TNKS: variants seen among roughly 807,000 people sequenced by gnomAD.
TNKS encodes tankyrase, also known as poly [ADP-ribose] polymerase tankyrase-1.
TNKS carries 72 observed loss-of-function variants against 135.8 expected under a neutral mutation model. The ratio of observed to expected loss-of-function variants is 0.53; its 90% CI spans 0.44 to 0.64. TNKS has a LOEUF of 0.64. Ranked by LOEUF, TNKS falls within the 30% of genes least tolerant of loss-of-function variation. TNKS has a pLI of 0.00. For missense variants in TNKS, 1,769 were observed against 1,674.0 expected (o/e 1.06, Z -0.99); for synonymous variants, 849 against 649.3 (o/e 1.31, Z -4.68).
In TNKS at chr8:9,769,431, T is replaced by C. The variant is rs950444490; in HGVS notation, c.3741-675T>C. Among the ~76,000 whole-genome samples the C allele has an allele frequency of 5.9e-5, 9 of 152,322 alleles. 1 individual carries two copies. The highest frequency in any genetic ancestry group is 2.2e-4 in the African/African-American group (9 of 41,580). On this transcript the variant is annotated intron_variant, in intron 25 of 26. Coordinates refer to ENST00000310430, the MANE Select transcript of TNKS (RefSeq NM_003747.3). ...GTTCATGATCCACTTTTATTATTAC[T>C]GTTTACCTCATCCCAGTTTCTACTT...
chr8:9,704,748 A>C lies in TNKS; in HGVS notation c.1193A>C (p.Lys398Thr), dbSNP rs766131393. The C allele has an allele frequency of 6.2e-7, 1 of 1,612,962 alleles. No individual in the cohort carries two copies. Among genetic ancestry groups the C allele is most frequent in the South Asian group, 1.1e-5 (1 of 90,976 alleles). Residue 398 changes from lysine to threonine, a missense_variant, in exon 6 of 27, where the codon AAA becomes ACA. Coordinates refer to ENST00000310430, the MANE Select transcript of TNKS (RefSeq NM_003747.3). The stretch of plus-strand genomic sequence containing the variant: ...CAGCATGGTGCTGATGTTCATGCAA[A>C]AGACAAAGGGTAGGTCTATCAGTTT... The part of the protein sequence containing the change: ...LLQHGADVHA[K>T]DKGGLVPLHN...
chr8:9,567,454 C>T (rs1001262758), intron 1 of TNKS, among the ~76,000 whole-genome samples: 9 of 152,144 alleles, frequency 5.9e-5, no homozygotes, highest in Admixed American at 3.3e-4. Context: ...CTCGCTCTGT[C>T]GCCCAGGCTG....
chr8:9,748,723 G>T (rs1249116769), intron 18 of TNKS, among the ~76,000 whole-genome samples: 1 of 152,154 alleles, frequency 6.6e-6, no homozygotes, highest in Non-Finnish European at 1.5e-5. Context: ...GTTTTTTCAA[G>T]TTATGTTCTG....
intron 25 of TNKS, among the ~76,000 whole-genome samples, chr8:9,767,174 T>C (rs1419138822): frequency 6.6e-6 from 1 of 152,224 alleles, no homozygotes; most frequent in East Asian, 1.9e-4. Context: ...AGGCAGGATA[T>C]ATAATTAGCC....
intron 17 of TNKS, among the ~76,000 whole-genome samples, chr8:9,744,582 T>C (rs1483292427): frequency 6.6e-6 from 1 of 152,252 alleles, no homozygotes; most frequent in Non-Finnish European, 1.5e-5. Flanking sequence ...CTAGGTTAAA[T>C]TGTCTGTTTC....
intron 18 of TNKS, among the ~76,000 whole-genome samples, chr8:9,749,032 A>G (rs545163592): frequency 6.6e-6 from 1 of 152,288 alleles, no homozygotes; most frequent in South Asian, 2.1e-4. Flanking sequence ...ATTGTATCTC[A>G]AGAGGGAGAA....
At chr8:9,637,490 T>G in intron 3 of TNKS, among the ~76,000 whole-genome samples, 1 of 152,212 alleles carries the variant, frequency 6.6e-6, no homozygotes. Flanking sequence ...ATGTTGTTGT[T>G]TTTTATTATT....
chr8:9,612,200 GT>G (rs1169831936), intron 2 of TNKS, among the ~76,000 whole-genome samples: 3 of 152,024 alleles, frequency 2.0e-5, no homozygotes, highest in African/African-American at 7.3e-5. Flanking sequence ...AGAGAACTGG[GT>G]TTTCTTTTTT....
chr8:9,764,374 C>G (rs539668041), intron 22 of TNKS, among the ~76,000 whole-genome samples: 2 of 151,994 alleles, frequency 1.3e-5, no homozygotes, highest in Non-Finnish European at 1.5e-5. Flanking sequence ...ATTTGTCCAA[C>G]GGGCATTTAA....
At chr8:9,603,138 C>A (rs1799081202) in intron 2 of TNKS, among the ~76,000 whole-genome samples, 1 of 152,052 alleles carries the variant, frequency 6.6e-6, no homozygotes, top group Admixed American at 6.5e-5. Flanking sequence ...CTGCAACCTC[C>A]ATCTCCCAGT....
intron 3 of TNKS, among the ~76,000 whole-genome samples, chr8:9,631,283 A>G (rs1401625681): frequency 6.6e-6 from 1 of 152,202 alleles, no homozygotes; most frequent in Non-Finnish European, 1.5e-5. Context: ...GTACCCAGCC[A>G]TGTCAATCAT....
chr8:9,727,529 T>C (rs1805224016), intron 13 of TNKS, among the ~76,000 whole-genome samples: 1 of 152,180 alleles, frequency 6.6e-6, no homozygotes, highest in African/African-American at 2.4e-5. Context: ...TTACCCTGCC[T>C]ACTATCCAAG....
At chr8:9,647,794 A>G (rs191511521) in intron 3 of TNKS, among the ~76,000 whole-genome samples, 3 of 152,332 alleles carry the variant, frequency 2.0e-5, no homozygotes, top group Non-Finnish European at 2.9e-5. Context: ...AATGAACGAC[A>G]TAAGTTCTAT....
chr8:9,612,791 A>G (rs1006789975), intron 2 of TNKS, among the ~76,000 whole-genome samples: 1 of 152,326 alleles, frequency 6.6e-6, no homozygotes, highest in East Asian at 1.9e-4. Context: ...ACTTTCTCCC[A>G]CAAAATTAAT....
rs867406091 is a variant in TNKS, at chr8:9,669,287, G to A, written c.995-10664G>A. 1.7e-4 allele frequency among the ~76,000 whole-genome samples: 26 copies of A among 151,434 alleles called. No homozygotes were observed. The Middle Eastern group carries it at 0.01, about 59-fold the overall frequency. ...CAAAAAATTAGCCGGGCGCGGTGGC[G>A]GGCGCCTGTAGTCCCAGCTACTCGG... On this transcript the variant is annotated intron_variant, in intron 3 of 26. Transcript: ENST00000310430.
intron 15 of TNKS, among the ~76,000 whole-genome samples, chr8:9,734,449 CT>C (rs1197784857): frequency 3.6e-5 from 5 of 139,560 alleles, no homozygotes; most frequent in African/African-American, 7.9e-5. Context: ...GAATTAAGTC[CT>C]TTTTTACCAG....
chr8:9,705,023 C>A (rs1414945833), intron 6 of TNKS, among the ~76,000 whole-genome samples: 1 of 152,032 alleles, frequency 6.6e-6, no homozygotes, highest in African/African-American at 2.4e-5. Context: ...TAGGGTTTTT[C>A]AACTCTTAAA....
chr8:9,745,832 A>C (rs761990957), intron 17 of TNKS, among the ~76,000 whole-genome samples: 1 of 152,182 alleles, frequency 6.6e-6, no homozygotes, highest in Non-Finnish European at 1.5e-5. Context: ...TTCAGAAACT[A>C]CTATTTCTAA....
At chr8:9,721,836 G>A (rs773376099) in intron 12 of TNKS, among the ~76,000 whole-genome samples, 5 of 151,762 alleles carry the variant, frequency 3.3e-5, no homozygotes, top group Admixed American at 6.6e-5. Context: ...GGCGGATCAC[G>A]AGGTCAGGAG....
Sources: gnomAD v4.1 joint callset for allele counts (sites outside exome capture counted in the v4.1 genomes callset) on GRCh38, gnomAD v4.1.1 for gene constraint, MANE v1.5 for transcripts, NCBI Gene and HGNC (gene_info 2026-07-23, HGNC 2026-07-21) for gene names.